PCSK2: variants seen among roughly 807,000 people sequenced by gnomAD.
The protein encoded by PCSK2 is neuroendocrine convertase 2.
Under a neutral mutation model 69.7 loss-of-function variants are expected in PCSK2, and 14 were observed. That is an observed-to-expected ratio of 0.20 (90% CI 0.13 to 0.31). PCSK2 has a LOEUF of 0.31. Ranked by LOEUF, PCSK2 falls within the 10% of genes least tolerant of loss-of-function variation. PCSK2 has a pLI of 1.00. For missense variants in PCSK2, 544 were observed against 842.5 expected, an observed-to-expected ratio of 0.65 and a Z score of 4.39; for synonymous variants, 307 against 320.7, an observed-to-expected ratio of 0.96 and a Z score of 0.46.
rs577769727 is a variant in PCSK2, at chr20:17,436,076, C to T, written c.710-632C>T. Among the ~76,000 whole-genome samples the T allele has an allele frequency of 3.9e-5, 6 of 152,304 alleles. No individual in the cohort carries two copies. In the South Asian group the frequency reaches 6.2e-4, roughly 16 times the overall value. ...TCAGAGAGGAACACAAACTTTACAG[C>T]GATGCTATAGGGAAGAAAGGAGAGG... is the stretch of plus-strand genomic sequence containing the variant. On this transcript the variant is annotated intron_variant, in intron 7 of 11. Transcript: ENST00000262545.
At chr20:17,260,851 C>G (rs1255874181) in intron 2 of PCSK2, among the ~76,000 whole-genome samples, 1 of 152,110 alleles carries the variant, frequency 6.6e-6, no homozygotes, top group African/African-American at 2.4e-5. Context: ...ACTATCTCAG[C>G]CTTTCTTTTT....
At chr20:17,312,710 G>A (rs1361107412) in intron 2 of PCSK2, among the ~76,000 whole-genome samples, 2 of 152,044 alleles carry the variant, frequency 1.3e-5, no homozygotes, top group Admixed American at 6.5e-5. Flanking sequence ...TCTAGACTAT[G>A]AGAAGAGAGG....
At chr20:17,472,577 T>C (rs1467898101) in intron 11 of PCSK2, among the ~76,000 whole-genome samples, 1 of 152,132 alleles carries the variant, frequency 6.6e-6, no homozygotes, top group Admixed American at 6.5e-5. Context: ...AACTTTTTCT[T>C]TTTTTTTGAG....
intron 2 of PCSK2, among the ~76,000 whole-genome samples, chr20:17,274,489 G>C (rs139744002): frequency 6.6e-6 from 1 of 152,146 alleles, no homozygotes; most frequent in Non-Finnish European, 1.5e-5. Flanking sequence ...TGACCTGGTA[G>C]CTTCTACTCC....
chr20:17,261,301 G>A lies in PCSK2; in HGVS notation c.282+957G>A, dbSNP rs557917032. 5.3e-5 allele frequency among the ~76,000 whole-genome samples: 8 copies of A among 152,286 alleles called. No homozygotes were observed. In the South Asian group the frequency reaches 1.5e-3, roughly 28 times the overall value. ...AAGCGTGTCAGATGTTTGAGTTAAG[G>A]ACTTTCACATGAGATTCTTTTGAGC... On this transcript the variant is annotated intron_variant, in intron 2 of 11. Transcript: ENST00000262545.
rs1222809325 is a variant in PCSK2, at chr20:17,301,251, CTCA to C, written c.282+40912_282+40914del. 6.6e-5 allele frequency among the ~76,000 whole-genome samples: 10 copies of C among 152,252 alleles called. No homozygotes were observed. In the East Asian group the frequency reaches 1.9e-3, roughly 29 times the overall value. On this transcript the variant is annotated intron_variant, in intron 2 of 11. Transcript: ENST00000262545. Reference sequence around the variant, plus strand: ...GATGTGGATGCCAAGAGTTCTGTATCTCATCATTTTGGTGGAGGAGACATTGCT... The same window carrying C: ...GATGTGGATGCCAAGAGTTCTGTATCTCATTTTGGTGGAGGAGACATTGCT...
In PCSK2 at chr20:17,360,871, CAAAT is replaced by C. The variant is rs146196293; in HGVS notation, c.505+232_505+235del. ...TTGAATTAATAAATAATAAGCTAAA[CAAAT>C]GAATAAATGAAAGCTGCCTATCACT... On this transcript the variant is annotated intron_variant, in intron 4 of 11. Transcript: ENST00000262545. 8.5e-3 allele frequency among the ~76,000 whole-genome samples: 1,288 copies of C among 152,184 alleles called. 18 individuals carry two copies. The highest frequency in any genetic ancestry group is 0.03 in the African/African-American group (1,239 of 41,524).
chr20:17,423,323 G>C (rs1415482710), intron 6 of PCSK2, among the ~76,000 whole-genome samples: 1 of 152,168 alleles, frequency 6.6e-6, no homozygotes, highest in African/African-American at 2.4e-5. Context: ...GCAATTGGTT[G>C]AATTATTACC....
At chr20:17,372,023 C>G in intron 5 of PCSK2, among the ~76,000 whole-genome samples, 1 of 152,140 alleles carries the variant, frequency 6.6e-6, no homozygotes, top group Non-Finnish European at 1.5e-5. Context: ...TGAGGCATTC[C>G]ACTTGTTCAG....
intron 2 of PCSK2, among the ~76,000 whole-genome samples, chr20:17,352,140 C>T (rs1014917785): frequency 2.0e-5 from 3 of 152,142 alleles, no homozygotes; most frequent in Admixed American, 6.5e-5. Flanking sequence ...ATACATTTAA[C>T]GAAAGAGGTA....
intron 2 of PCSK2, among the ~76,000 whole-genome samples, chr20:17,306,614 C>T (rs1989335658): frequency 6.6e-6 from 1 of 152,194 alleles, no homozygotes; most frequent in Non-Finnish European, 1.5e-5. Flanking sequence ...CGCATAGGAA[C>T]AGTGACTCAG....
chr20:17,471,363 C>T (rs540108323), intron 11 of PCSK2, among the ~76,000 whole-genome samples: 1 of 152,298 alleles, frequency 6.6e-6, no homozygotes, highest in African/African-American at 2.4e-5. Flanking sequence ...GCAGTGTTTT[C>T]AATGAAGAGA....
intron 2 of PCSK2, among the ~76,000 whole-genome samples, chr20:17,268,894 A>G (rs1987746048): frequency 6.6e-6 from 1 of 152,196 alleles, no homozygotes; most frequent in Admixed American, 6.5e-5. Flanking sequence ...ATCTGGGAGT[A>G]TGTTGTGAAG....
intron 1 of PCSK2, among the ~76,000 whole-genome samples, chr20:17,258,050 C>A (rs1398586713): frequency 1.3e-5 from 2 of 152,180 alleles, no homozygotes; most frequent in Non-Finnish European, 2.9e-5. Context: ...GATCAAATAA[C>A]AACAAATCCT....
chr20:17,357,509 CTT>C (rs2030243085), intron 2 of PCSK2, among the ~76,000 whole-genome samples: 1 of 152,250 alleles, frequency 6.6e-6, no homozygotes, highest in Non-Finnish European at 1.5e-5. Flanking sequence ...CACTCTCTCT[CTT>C]CCTGAATCCA....
At chr20:17,227,612 C>T (rs1405304887) in intron 1 of PCSK2, 130 bp downstream of exon 1, 1 of 662,012 alleles carries the variant, frequency 1.5e-6, no homozygotes, top group East Asian at 2.7e-5. Context: ...GCCATGGGCT[C>T]TTTAACACGA....
chr20:17,294,887 T>A (rs970988200), intron 2 of PCSK2, among the ~76,000 whole-genome samples: 2 of 152,174 alleles, frequency 1.3e-5, no homozygotes, highest in Non-Finnish European at 2.9e-5. Flanking sequence ...ATTACATAGG[T>A]ATAAGACACT....
intron 2 of PCSK2, among the ~76,000 whole-genome samples, chr20:17,335,971 G>A (rs1437845031): frequency 6.7e-6 from 1 of 150,268 alleles, no homozygotes; most frequent in Non-Finnish European, 1.5e-5. Flanking sequence ...GAATTGTGTG[G>A]CTCATCACAG....
In PCSK2 at chr20:17,358,376, A is replaced by C; in HGVS notation, c.332A>C (p.Tyr111Ser). The change falls in exon 3 of 12, where the codon TAC (tyrosine) becomes TCC (serine). Residue 111 changes from tyrosine to serine, a missense_variant. By Grantham distance (144) the Tyr-to-Ser change is moderately radical. This residue lies in a region of PCSK2 where 157 missense variants were observed against 155.0 expected (regional missense o/e 1.01). Transcript: ENST00000262545. Reference sequence around the variant, plus strand: ...GGATTTGACCGAAAAAAGCGAGGTTACAGAGACATCAATGAGATCGACATC... The same window carrying C: ...GGATTTGACCGAAAAAAGCGAGGTTCCAGAGACATCAATGAGATCGACATC... ...QEGFDRKKRG[Y>S]RDINEIDINM... The C allele has an allele frequency of 1.9e-6, 3 of 1,613,528 alleles. No homozygotes were observed. The highest frequency in any genetic ancestry group is 2.5e-6 in the Non-Finnish European group (3 of 1,179,430).
Sources: allele counts gnomAD v4.1 joint callset (sites outside exome capture counted in the v4.1 genomes callset), GRCh38; gene constraint gnomAD v4.1.1; regional missense constraint gnomAD v4.1.1; transcripts MANE v1.5; gene names NCBI Gene and HGNC (gene_info 2026-07-23, HGNC 2026-07-21).